DTD1: variants seen among roughly 807,000 people sequenced by gnomAD.
The protein encoded by DTD1 is D-tyrosyl-tRNA deacylase 1 homolog.
DTD1 carries 13 observed loss-of-function variants against 25.6 expected under a neutral mutation model. That is an observed-to-expected ratio of 0.51 (90% CI 0.33 to 0.81). DTD1 has a LOEUF of 0.81. DTD1 is among the 30% of genes least tolerant of loss of function. DTD1 has a pLI of 0.02. For missense variants in DTD1, 193 were observed against 266.4 expected, an observed-to-expected ratio of 0.72 and a Z score of 1.92; for synonymous variants, 110 against 103.6, an observed-to-expected ratio of 1.06 and a Z score of -0.37.
At chr20:18,719,245 A>ATATG (rs74180930) in intron 4 of DTD1, among the ~76,000 whole-genome samples, 8 of 149,174 alleles carry the variant, frequency 5.4e-5, no homozygotes, top group African/African-American at 1.5e-4. Flanking sequence ...GTATATATAT[A>ATATG]TGTGTGTGTG....
intron 4 of DTD1, among the ~76,000 whole-genome samples, chr20:18,686,649 TGTGTGTGTGTGTGTGTGTGTGTGTGTG>T (rs1405692818): frequency 1.9e-5 from 2 of 106,698 alleles, no homozygotes; most frequent in African/African-American, 6.7e-5. Flanking sequence ...TTATTAGCTG[TGTGTGTGTGTGTGTGTGTGTGTGTGTG>T]GTGTGTGTGT....
At chr20:18,598,373 A>G (rs1432781673) in intron 3 of DTD1, among the ~76,000 whole-genome samples, 1 of 152,168 alleles carries the variant, frequency 6.6e-6, no homozygotes, top group East Asian at 1.9e-4. Flanking sequence ...TATCCAGTCT[A>G]TCACTGATGG....
intron 1 of DTD1, 120 bp downstream of exon 1, chr20:18,588,235 TC>T: frequency 1.0e-6 from 1 of 983,318 alleles, no homozygotes; most frequent in Non-Finnish European, 1.3e-6. Context: ...GCGAGCCTGG[TC>T]CCCTTCGCGA....
intron 4 of DTD1, among the ~76,000 whole-genome samples, chr20:18,646,892 G>A (rs1404963186): frequency 3.3e-5 from 5 of 152,158 alleles, no homozygotes; most frequent in Non-Finnish European, 7.3e-5. Context: ...GAGAGAGGAG[G>A]GCATGCATGT....
At chr20:18,624,673 T>C (rs894640395) in intron 3 of DTD1, among the ~76,000 whole-genome samples, 1 of 152,102 alleles carries the variant, frequency 6.6e-6, no homozygotes, top group African/African-American at 2.4e-5. Context: ...TAGACAACCA[T>C]ATAGCCTTCA....
chr20:18,646,807 T>C (rs569147819), intron 4 of DTD1, among the ~76,000 whole-genome samples: 12 of 152,212 alleles, frequency 7.9e-5, no homozygotes, highest in Non-Finnish European at 1.6e-4. Flanking sequence ...CCCAACATGG[T>C]TTTGAAATCT....
chr20:18,662,682 G>T (rs1312526474), intron 4 of DTD1, among the ~76,000 whole-genome samples: 1 of 152,174 alleles, frequency 6.6e-6, no homozygotes, highest in Non-Finnish European at 1.5e-5. Flanking sequence ...GAATGCAGTT[G>T]ACCTATATCC....
chr20:18,596,610 A>G (rs2060613086), intron 3 of DTD1, among the ~76,000 whole-genome samples: 1 of 152,240 alleles, frequency 6.6e-6, no homozygotes, highest in South Asian at 2.1e-4. Context: ...GCCATATTTA[A>G]AAAAATAAAA....
intron 3 of DTD1, among the ~76,000 whole-genome samples, chr20:18,608,112 T>A (rs925356893): frequency 3.3e-5 from 5 of 152,142 alleles, no homozygotes; most frequent in African/African-American, 1.2e-4. Context: ...CCTGAGAAAC[T>A]AAGGGAATTG....
intron 4 of DTD1, among the ~76,000 whole-genome samples, chr20:18,738,089 G>T (rs1171573824): frequency 6.6e-6 from 1 of 152,202 alleles, no homozygotes; most frequent in Non-Finnish European, 1.5e-5. Flanking sequence ...CCTCAGGAAG[G>T]CAGGGCTCTG....
At chr20:18,624,168 C>T (rs780024004) in intron 3 of DTD1, among the ~76,000 whole-genome samples, 12 of 152,148 alleles carry the variant, frequency 7.9e-5, no homozygotes, top group South Asian at 2.1e-4. Context: ...TCCAAGGCCA[C>T]TGTGCTCCCA....
At chr20:18,638,915 G>A (rs902883359) in intron 4 of DTD1, among the ~76,000 whole-genome samples, 13 of 152,124 alleles carry the variant, frequency 8.5e-5, no homozygotes, top group African/African-American at 3.1e-4. Context: ...GAGCTTTTCT[G>A]TCAGTGACTC....
chr20:18,730,501 T>A (rs955213845), intron 4 of DTD1, among the ~76,000 whole-genome samples: 24 of 152,244 alleles, frequency 1.6e-4, no homozygotes, highest in African/African-American at 3.4e-4. Context: ...GTTTCATGAA[T>A]CATAAGTTAT....
At chr20:18,696,851 G>T (rs1479429760) in intron 4 of DTD1, among the ~76,000 whole-genome samples, 1 of 151,934 alleles carries the variant, frequency 6.6e-6, no homozygotes, top group Non-Finnish European at 1.5e-5. Flanking sequence ...ACTGCCCCTG[G>T]CCTGAACTGT....
At chr20:18,710,368 T>A (rs150358942) in intron 4 of DTD1, among the ~76,000 whole-genome samples, 2 of 143,320 alleles carry the variant, frequency 1.4e-5, no homozygotes, top group Admixed American at 1.4e-4. Flanking sequence ...CTTTCAAACA[T>A]ATTCTGATCT....
At chr20:18,625,604 G>A (rs900618310) in intron 3 of DTD1, among the ~76,000 whole-genome samples, 10 of 152,180 alleles carry the variant, frequency 6.6e-5, no homozygotes, top group Non-Finnish European at 1.0e-4. Flanking sequence ...ACAATCCTGC[G>A]CATCCAGATC....
intron 4 of DTD1, among the ~76,000 whole-genome samples, chr20:18,699,510 A>G (rs573590562): frequency 7.0e-4 from 107 of 152,302 alleles, no homozygotes; most frequent in African/African-American, 2.5e-3. Flanking sequence ...CCGGCCTTCA[A>G]GTTTCTGTCA....
At chr20:18,661,992 A>G (rs184318943) in intron 4 of DTD1, among the ~76,000 whole-genome samples, 2 of 152,208 alleles carry the variant, frequency 1.3e-5, no homozygotes, top group East Asian at 1.9e-4. Context: ...TCTCTACAAA[A>G]CATATAAAAA....
intron 4 of DTD1, among the ~76,000 whole-genome samples, chr20:18,706,114 T>C (rs998521962): frequency 2.0e-5 from 3 of 152,298 alleles, no homozygotes; most frequent in Middle Eastern, 3.4e-3. Context: ...TCAGCAGTTG[T>C]TGGTTCGTTG....
Sources: allele counts gnomAD v4.1 joint callset (sites outside exome capture counted in the v4.1 genomes callset), GRCh38; gene constraint gnomAD v4.1.1; transcripts MANE v1.5; gene names NCBI Gene and HGNC (gene_info 2026-07-23, HGNC 2026-07-21).